Variants in ESRRG observed in about 807,000 individuals in gnomAD.
ESRRG encodes estrogen-related receptor gamma.
In ESRRG, 13 loss-of-function variants were observed where a neutral mutation model predicts 44.0. The ratio of observed to expected loss-of-function variants is 0.30; its 90% confidence interval spans 0.19 to 0.47. The LOEUF (loss-of-function observed/expected upper bound fraction) is 0.47, where lower values mean the gene tolerates loss of function less well. Among genes scored for constraint, ESRRG ranks in the 20% least tolerant of loss-of-function variants. ESRRG has a pLI of 1.00. For synonymous variants in ESRRG, 215 were observed against 214.6 expected (o/e 1.00, Z -0.02); for missense variants, 395 against 580.6 (o/e 0.68, Z 3.29).
intron 3 of ESRRG, among the ~76,000 whole-genome samples, chr1:216,574,015 A>G (rs2061282641): frequency 6.6e-6 from 1 of 152,022 alleles, no homozygotes; most frequent in Non-Finnish European, 1.5e-5. Flanking sequence ...TCAATCTTAA[A>G]CACAAACAAT....
chr1:217,102,926 G>A (rs1558263866), intron 1 of ESRRG, among the ~76,000 whole-genome samples: 1 of 152,280 alleles, frequency 6.6e-6, no homozygotes, highest in East Asian at 1.9e-4. Context: ...TACAGTCAGC[G>A]AGGCAGCTGA....
At chr1:216,749,458 G>A (rs2091790421) in intron 2 of ESRRG, among the ~76,000 whole-genome samples, 1 of 152,244 alleles carries the variant, frequency 6.6e-6, no homozygotes, top group South Asian at 2.1e-4. Flanking sequence ...GCTGTGTGTG[G>A]GTCCACAGGA....
At chr1:217,014,404 A>T in intron 1 of ESRRG, among the ~76,000 whole-genome samples, 1 of 152,092 alleles carries the variant, frequency 6.6e-6, no homozygotes, top group East Asian at 1.9e-4. Context: ...TTTCTAACAT[A>T]CCTATCAAAA....
chr1:217,052,735 G>A (rs1430950257), intron 1 of ESRRG, among the ~76,000 whole-genome samples: 2 of 152,120 alleles, frequency 1.3e-5, no homozygotes, highest in Admixed American at 6.6e-5. Flanking sequence ...ATTGGGGTGA[G>A]GGATAATGAG....
chr1:216,716,409 T>G (rs1176001459), intron 1 of ESRRG, among the ~76,000 whole-genome samples: 1 of 151,958 alleles, frequency 6.6e-6, no homozygotes, highest in Non-Finnish European at 1.5e-5. Flanking sequence ...TCCCTTTTAT[T>G]TAGTACCATC....
intron 1 of ESRRG, among the ~76,000 whole-genome samples, chr1:217,043,255 C>G (rs558016961): frequency 3.3e-5 from 5 of 152,136 alleles, no homozygotes; most frequent in Non-Finnish European, 7.4e-5. Context: ...AAGTAAGCTG[C>G]CCTCACCAAC....
At chr1:216,617,262 C>T (rs1168042670) in intron 3 of ESRRG, among the ~76,000 whole-genome samples, 5 of 152,002 alleles carry the variant, frequency 3.3e-5, no homozygotes, top group Non-Finnish European at 5.9e-5. Flanking sequence ...TTGAGAATGC[C>T]ATTAAAAGAA....
chr1:216,778,815 G>A (rs1044304778), intron 2 of ESRRG, among the ~76,000 whole-genome samples: 1 of 151,726 alleles, frequency 6.6e-6, no homozygotes, highest in African/African-American at 2.4e-5. Flanking sequence ...TCCGAAAGGA[G>A]GAAATACTAA....
intron 2 of ESRRG, among the ~76,000 whole-genome samples, chr1:216,775,683 C>T (rs1223300826): frequency 1.4e-5 from 2 of 146,550 alleles, no homozygotes; most frequent in Admixed American, 7.1e-5. Flanking sequence ...TCCCAAGTGG[C>T]TGGGACTATA....
At chr1:217,126,690 G>T (rs1334133097) in intron 1 of ESRRG, among the ~76,000 whole-genome samples, 4 of 152,124 alleles carry the variant, frequency 2.6e-5, no homozygotes, top group Non-Finnish European at 4.4e-5. Context: ...CAAAGGGAAG[G>T]TTCCTGCTAA....
At chr1:217,056,346 G>A (rs574450709) in intron 1 of ESRRG, among the ~76,000 whole-genome samples, 1 of 152,088 alleles carries the variant, frequency 6.6e-6, no homozygotes, top group Non-Finnish European at 1.5e-5. Flanking sequence ...TGTCTTTGTG[G>A]TTATTTTTAT....
intron 2 of ESRRG, among the ~76,000 whole-genome samples, chr1:216,846,900 T>A (rs1026307999): frequency 1.3e-5 from 2 of 151,836 alleles, no homozygotes; most frequent in African/African-American, 4.8e-5. Flanking sequence ...TTTATATATA[T>A]AAAACTAATT....
intron 1 of ESRRG, among the ~76,000 whole-genome samples, chr1:216,679,237 G>A (rs1401623142): frequency 2.0e-5 from 3 of 152,118 alleles, no homozygotes; most frequent in Non-Finnish European, 4.4e-5. Context: ...CCTGAACTAC[G>A]GCGTCCTCTC....
intron 1 of ESRRG, among the ~76,000 whole-genome samples, chr1:217,102,797 T>G (rs899449491): frequency 1.3e-5 from 2 of 152,170 alleles, no homozygotes; most frequent in Non-Finnish European, 2.9e-5. Context: ...ATAAACATCA[T>G]TTCTACACAT....
chr1:216,818,707 C>T (rs2095217840), intron 2 of ESRRG, among the ~76,000 whole-genome samples: 1 of 152,114 alleles, frequency 6.6e-6, no homozygotes, highest in South Asian at 2.1e-4. Context: ...TAGATCATCC[C>T]ATCACCCAGG....
intron 2 of ESRRG, among the ~76,000 whole-genome samples, chr1:216,917,402 A>C (rs1303341689): frequency 6.6e-6 from 1 of 152,094 alleles, no homozygotes; most frequent in East Asian, 1.9e-4. Flanking sequence ...GCAACAAGTC[A>C]CCTGATCTGT....
At chr1:216,669,846 A>G (rs1463451097) in intron 2 of ESRRG, among the ~76,000 whole-genome samples, 1 of 152,188 alleles carries the variant, frequency 6.6e-6, no homozygotes, top group African/African-American at 2.4e-5. Context: ...AGATGGCACC[A>G]CTGCACTTTA....
At chr1:216,797,731 A>G (rs976029960) in intron 2 of ESRRG, among the ~76,000 whole-genome samples, 7 of 152,144 alleles carry the variant, frequency 4.6e-5, no homozygotes, top group African/African-American at 1.7e-4. Context: ...ATCACATCGT[A>G]TCAAGGGTGT....
chr1:216,574,477 C>A (rs2061353251), intron 3 of ESRRG, among the ~76,000 whole-genome samples: 1 of 151,988 alleles, frequency 6.6e-6, no homozygotes, highest in Non-Finnish European at 1.5e-5. Context: ...ATTCTGTAGT[C>A]CAAAGTCAAA....
Sources: allele counts gnomAD v4.1 joint callset (sites outside exome capture counted in the v4.1 genomes callset), GRCh38; gene constraint gnomAD v4.1.1; transcripts MANE v1.5; gene names NCBI Gene and HGNC (gene_info 2026-07-23, HGNC 2026-07-21).